Variants in HDGFL2 observed in about 807,000 individuals in gnomAD.
HDGFL2 encodes the protein HDGF like 2.
A neutral mutation model predicts 77.1 loss-of-function variants in HDGFL2; 36 were observed. That is an observed-to-expected ratio of 0.47 (90% CI 0.36 to 0.62). The LOEUF is 0.62. Ranked by LOEUF, HDGFL2 falls within the 20% of genes least tolerant of loss-of-function variation. The pLI is 0.00. For synonymous variants in HDGFL2, 463 were observed against 413.1 expected (o/e 1.12, Z -1.46); for missense variants, 976 against 973.4 (o/e 1.00, Z -0.04).
intron 4 of HDGFL2, among the ~76,000 whole-genome samples, chr19:4,489,162 A>C (rs964817936): frequency 4.0e-5 from 6 of 151,554 alleles, no homozygotes; most frequent in Non-Finnish European, 7.4e-5. Context: ...CCAGGTCCCC[A>C]AGTTGGTCTT....
intron 3 of HDGFL2, among the ~76,000 whole-genome samples, chr19:4,484,125 C>G (rs1292101093): frequency 7.0e-6 from 1 of 143,462 alleles, no homozygotes; most frequent in Non-Finnish European, 1.5e-5. Context: ...TGTCTGTCAC[C>G]CAGGCTGGAG....
intron 7 of HDGFL2, 40 bp from the exon 8 acceptor site, chr19:4,493,942 C>T: frequency 6.3e-7 from 1 of 1,576,376 alleles, no homozygotes; most frequent in African/African-American, 1.3e-5. Context: ...CACCTTGGAG[C>T]CCTGGAAGGG....
rs764251511 is a variant in HDGFL2, at chr19:4,494,433, G to A, written c.1182G>A (p.Pro394=). 14 of 1,405,472 alleles carry A rather than the reference G, an allele frequency of 1.0e-5. No homozygotes were observed. Among genetic ancestry groups the A allele is most frequent in the Middle Eastern group, 1.9e-4 (1 of 5,378 alleles). The allele number at this position is 1,405,472 out of a possible 1,614,324, so 87.1% of individuals were successfully genotyped here. The change falls in exon 9 of 16, where the codon CCG becomes CCA. Residue 394 remains proline (P), a synonymous_variant. Coordinates refer to ENST00000616600, the MANE Select transcript of HDGFL2 (RefSeq NM_001001520.3). The part of the protein sequence containing the change: ...RGRKGRGRGP[P]SSSDSEPEAE... The stretch of plus-strand genomic sequence containing the variant: ...GCAAGGGCCGGGGCCGGGGTCCCCC[G>A]TCCTCCTCTGACTCCGAGCCCGAGG...
At chr19:4,491,302 C>T (rs1263514395) in intron 4 of HDGFL2, among the ~76,000 whole-genome samples, 3 of 143,298 alleles carry the variant, frequency 2.1e-5, no homozygotes, top group African/African-American at 7.7e-5. Flanking sequence ...GCCCTGGTGC[C>T]CCTCATCCTA....
chr19:4,475,859 G>T (rs897837113), intron 3 of HDGFL2, among the ~76,000 whole-genome samples: 9 of 151,350 alleles, frequency 5.9e-5, no homozygotes, highest in Non-Finnish European at 1.3e-4. Flanking sequence ...CAGCCCTGGC[G>T]AGAACCCCTG....
In HDGFL2 at chr19:4,499,708, A is replaced by G. The variant is rs1224071891; in HGVS notation, c.1789+4A>G. The G allele has an allele frequency of 2.2e-5, 16 of 730,244 alleles. No individual in the cohort carries two copies. Among genetic ancestry groups the G allele is most frequent in the Non-Finnish European group, 2.7e-5 (13 of 473,986 alleles). 45.2% of individuals were successfully genotyped at this position (730,244 alleles called of 1,614,324 possible). A position where few individuals can be genotyped will look rare whatever the true frequency, so the allele number is the denominator to read the frequency against. On this transcript the variant is annotated splice_donor_region_variant and intron_variant, in intron 14 of 15. Coordinates refer to ENST00000616600, the MANE Select transcript of HDGFL2 (RefSeq NM_001001520.3). Reference sequence around the variant, plus strand: ...GCGGAGGACAAGCCCAGCACCGGTGAGGGGCGGGTGGGGTGGGCCCTGTAC... The same window carrying G: ...GCGGAGGACAAGCCCAGCACCGGTGGGGGGCGGGTGGGGTGGGCCCTGTAC...
At chr19:4,480,444 CGTA>C (rs1975184524) in intron 3 of HDGFL2, among the ~76,000 whole-genome samples, 1 of 152,048 alleles carries the variant, frequency 6.6e-6, no homozygotes, top group Non-Finnish European at 1.5e-5. Flanking sequence ...AGTTGGGAGG[CGTA>C]GTGGCTCACA....
In HDGFL2 at chr19:4,493,811, T is replaced by C; in HGVS notation, c.787T>C (p.Ser263Pro). 1 of 1,537,810 alleles carries C rather than the reference T, an allele frequency of 6.5e-7. No individual in the cohort carries two copies. The highest frequency in any genetic ancestry group is 2.0e-5 in the Admixed American group (1 of 50,024). Residue 263 changes from serine (S) to proline (P), a missense_variant, in exon 7 of 16, where the codon TCC becomes CCC. By Grantham distance (74) the Ser-to-Pro change is moderately conservative. Around this residue, in one of 5 missense-constraint regions of HDGFL2, gnomAD observed 567 missense variants for 534.7 expected, o/e 1.06. Transcript: ENST00000616600. ...SASSSSSSSS[S>P]SDSDVSVKKP... is the part of the protein sequence containing the mutation. Reference sequence around the variant, plus strand: ...GTCCTCCTCCTCCTCTTCCTCCTCCTCCTCCGACTCCGATGTGTCTGTGAA... The same window carrying C: ...GTCCTCCTCCTCCTCTTCCTCCTCCCCCTCCGACTCCGATGTGTCTGTGAA...
intron 15 of HDGFL2, chr19:4,501,662 G>A: frequency 2.0e-6 from 1 of 494,808 alleles, no homozygotes; most frequent in Non-Finnish European, 3.5e-6. Flanking sequence ...CTGCTGTCTG[G>A]TACAAGGCTC....
At position 4,501,953 on chromosome 19, in the gene HDGFL2, C is replaced by A. The variant is rs1462896463; in HGVS notation, c.1959C>A (p.Asp653Glu). 3.3e-6 allele frequency: 5 copies of A among 1,501,032 alleles called. No homozygotes were observed. The African/African-American group carries it at 7.1e-5, about 21-fold the overall frequency. The allele number at this position is 1,501,032 out of a possible 1,614,324, so 93.0% of individuals were successfully genotyped here. The part of the protein sequence containing the change: ...EGPDLDRPGS[D>E]RQERERARGD... ...CCGACCTGGACAGGCCTGGGAGCGA[C>A]CGGCAGGAGCGCGAGAGGGCACGGG... Residue 653 changes from aspartate (D) to glutamate (E), a missense_variant, in exon 16 of 16, where the codon GAC (aspartate) becomes GAA (glutamate). Physicochemically the swap from Asp to Glu is conservative, Grantham distance 45 (BLOSUM62 2). Coordinates refer to ENST00000616600, the MANE Select transcript of HDGFL2 (RefSeq NM_001001520.3).
intron 3 of HDGFL2, among the ~76,000 whole-genome samples, chr19:4,482,960 A>AT (rs1300186313): frequency 1.3e-5 from 2 of 152,060 alleles, no homozygotes; most frequent in African/African-American, 4.8e-5. Context: ...GGGGCTCCTC[A>AT]TTCTCTGAGC....
intron 3 of HDGFL2, among the ~76,000 whole-genome samples, chr19:4,482,134 G>A (rs149924402): frequency 1.2e-3 from 169 of 143,748 alleles, no homozygotes; most frequent in Middle Eastern, 7.8e-3. Flanking sequence ...CCAGGTTCGC[G>A]CCATTCTCCT....
chr19:4,495,385 CAAAAAAA>C (rs747305046), intron 9 of HDGFL2, among the ~76,000 whole-genome samples: 15 of 54,246 alleles, frequency 2.8e-4, no homozygotes, highest in Admixed American at 1.3e-3. Context: ...GACTCCATCT[CAAAAAAA>C]AAAAAAAAAA....
intron 15 of HDGFL2, 182 bp downstream of exon 15, chr19:4,501,499 C>T (rs758613507): frequency 6.1e-5 from 40 of 657,998 alleles, no homozygotes; most frequent in Non-Finnish European, 8.6e-5. Flanking sequence ...CTTCCGGCGG[C>T]CCCTACAGAG....
chr19:4,473,548 C>G (rs766661770), intron 1 of HDGFL2, among the ~76,000 whole-genome samples: 6 of 151,620 alleles, frequency 4.0e-5, no homozygotes, highest in Non-Finnish European at 8.8e-5. Context: ...GAAGCACTCC[C>G]TTGTGGGTCC....
At chr19:4,494,536 T>TAGGTAGG in intron 9 of HDGFL2, 61 bp downstream of exon 9, 1 of 1,193,368 alleles carries the variant, frequency 8.4e-7, no homozygotes, top group Middle Eastern at 2.1e-4. Flanking sequence ...GAGCATCTAC[T>TAGGTAGG]AGGTAGGAGG....
intron 3 of HDGFL2, among the ~76,000 whole-genome samples, chr19:4,487,961 A>G (rs1336738390): frequency 6.7e-6 from 1 of 150,302 alleles, no homozygotes; most frequent in Non-Finnish European, 1.5e-5. Flanking sequence ...AAAAAAAGGA[A>G]CCATTTCTTT....
chr19:4,476,396 T>A (rs1975074888), intron 3 of HDGFL2, among the ~76,000 whole-genome samples: 1 of 151,566 alleles, frequency 6.6e-6, no homozygotes, highest in South Asian at 2.1e-4. Flanking sequence ...TTTCACCATG[T>A]TGGCCAGGCT....
At chr19:4,502,203 AAAAAG>A (rs573628939) in exon 16 of HDGFL2, 135 of 671,176 alleles carry the variant, frequency 2.0e-4, no homozygotes, top group African/African-American at 2.2e-3. Context: ...TTTTTAATGA[AAAAAG>A]AAATCACTTT....
Sources: allele counts gnomAD v4.1 joint callset (sites outside exome capture counted in the v4.1 genomes callset), GRCh38; gene constraint gnomAD v4.1.1; regional missense constraint gnomAD v4.1.1; transcripts MANE v1.5; gene names NCBI Gene and HGNC (gene_info 2026-07-23, HGNC 2026-07-21).